SVOP: variants seen among roughly 807,000 people sequenced by gnomAD.
The protein encoded by SVOP is synaptic vesicle 2-related protein.
SVOP carries 17 observed loss-of-function variants against 69.1 expected under a neutral mutation model. The ratio of observed to expected loss-of-function variants is 0.25; its 90% CI spans 0.17 to 0.37. The LOEUF (loss-of-function observed/expected upper bound fraction) is 0.37. SVOP is among the 10% of genes least tolerant of loss of function. The probability of loss-of-function intolerance (pLI) is 1.00; values close to 1 mark genes in which losing one functional copy is unlikely to be tolerated. For missense variants in SVOP, 435 were observed against 597.5 expected (o/e 0.73, Z 2.84); for synonymous variants, 238 against 238.6 (o/e 1.00, Z 0.02).
At chr12:108,961,157 C>T in intron 5 of SVOP, 110 bp from the exon 6 acceptor site, 2 of 1,351,138 alleles carry the variant, frequency 1.5e-6, no homozygotes, top group Non-Finnish European at 2.0e-6. Context: ...GGAGCCTACA[C>T]AACCAAGGGG....
At chr12:108,916,708 A>G (rs1371129417) in intron 14 of SVOP, among the ~76,000 whole-genome samples, 1 of 152,162 alleles carries the variant, frequency 6.6e-6, no homozygotes, top group African/African-American at 2.4e-5. Context: ...CCCAACCTAG[A>G]ACACCCATAT....
intron 1 of SVOP, 135 bp downstream of exon 1, chr12:109,020,699 T>G: frequency 5.4e-6 from 3 of 557,598 alleles, no homozygotes; most frequent in Non-Finnish European, 6.4e-6. Flanking sequence ...CTCCAGGCCC[T>G]AATTCCTTCC....
chr12:108,953,185 G>T (rs1209625712), intron 6 of SVOP, among the ~76,000 whole-genome samples: 6 of 96,422 alleles, frequency 6.2e-5, no homozygotes, highest in African/African-American at 8.1e-5. Context: ...TTTCACTCTT[G>T]TTGGCCAGGC....
intron 7 of SVOP, among the ~76,000 whole-genome samples, chr12:108,943,599 CA>C (rs375255134): frequency 0.8 from 108,562 of 136,006 alleles, 42,804 homozygotes; most frequent in East Asian, 0.94. Flanking sequence ...CTCTGTCTCA[CA>C]AAAAAAAAAA....
intron 10 of SVOP, among the ~76,000 whole-genome samples, chr12:108,936,346 T>C (rs1019564027): frequency 1.3e-5 from 2 of 152,310 alleles, no homozygotes; most frequent in Middle Eastern, 6.8e-3. Context: ...CACCAGCCCA[T>C]ATAGCAGAAA....
chr12:108,951,173 G>A (rs1232534045), intron 6 of SVOP, among the ~76,000 whole-genome samples: 1 of 152,208 alleles, frequency 6.6e-6, no homozygotes, highest in African/African-American at 2.4e-5. Flanking sequence ...ATCATTCTGA[G>A]GCAGGTTTCA....
At chr12:108,945,317 AC>A (rs1340138801) in intron 6 of SVOP, among the ~76,000 whole-genome samples, 151 bp from the exon 7 acceptor site, 1 of 152,204 alleles carries the variant, frequency 6.6e-6, no homozygotes, top group Non-Finnish European at 1.5e-5. Flanking sequence ...GGTTAAATAT[AC>A]AGATCTCTAG....
chr12:108,998,259 G>A (rs1364636981), intron 1 of SVOP, among the ~76,000 whole-genome samples: 4 of 151,048 alleles, frequency 2.6e-5, no homozygotes, highest in African/African-American at 7.3e-5. Flanking sequence ...GAAGTTTAGA[G>A]AAAAAAGAAT....
At chr12:108,920,968 A>G (rs947033561) in intron 12 of SVOP, among the ~76,000 whole-genome samples, 8 of 152,160 alleles carry the variant, frequency 5.3e-5, no homozygotes, top group African/African-American at 1.9e-4. Context: ...AATTTATCAA[A>G]TAGCATTTTT....
In SVOP at chr12:108,912,491, C is replaced by T; in HGVS notation, c.*44G>A. 1 of 1,609,468 alleles carries T rather than the reference C, an allele frequency of 6.2e-7. No homozygotes were observed. Among genetic ancestry groups the T allele is most frequent in the Non-Finnish European group, 8.5e-7 (1 of 1,176,146 alleles). ...CCCCAGTTGGGGCCTGCCAGCCCCC[C>T]AAGCTCTGCAGCCTCAAAGACCAGC... is the stretch of plus-strand genomic sequence containing the variant. On this transcript the variant is annotated 3_prime_UTR_variant, in exon 16 of 16. Coordinates refer to ENST00000610966, the MANE Select transcript of SVOP (RefSeq NM_018711.5).
intron 1 of SVOP, among the ~76,000 whole-genome samples, chr12:109,015,593 C>T (rs911055816): frequency 3.3e-5 from 5 of 151,982 alleles, no homozygotes; most frequent in Admixed American, 3.3e-4. Flanking sequence ...GGGAGGGTCA[C>T]TTGGAGCCAG....
At chr12:108,918,388 T>C (rs1412922981) in intron 13 of SVOP, among the ~76,000 whole-genome samples, 1 of 152,160 alleles carries the variant, frequency 6.6e-6, no homozygotes, top group Non-Finnish European at 1.5e-5. Flanking sequence ...TAGGGAGAAG[T>C]GATATAAATA....
At position 108,918,113 on chromosome 12, in the gene SVOP, G is replaced by T. The variant is rs1431133828; in HGVS notation, c.1280C>A (p.Thr427Asn). Reference protein sequence around the residue: ...LFICVGRNVLTLLLFIARAFI... With the variant: ...LFICVGRNVLNLLLFIARAFI... ...CGCTCTTGCAATGAAGAGTAACAGA[G>T]TGAGCACATTTCTAGGAGGAGGATA... The change falls in exon 14 of 16, where the codon ACT becomes AAT. Residue 427 changes from threonine (T) to asparagine (N), a missense_variant. Coordinates refer to ENST00000610966, the MANE Select transcript of SVOP (RefSeq NM_018711.5). The T allele has an allele frequency of 1.5e-5, 24 of 1,569,580 alleles. No homozygotes were observed. The highest frequency in any genetic ancestry group is 2.0e-5 in the Non-Finnish European group (23 of 1,157,244).
In SVOP at chr12:108,996,009, TAC is replaced by T. The variant is rs148548353; in HGVS notation, c.36-12250_36-12249del. On this transcript the variant is annotated intron_variant, in intron 1 of 15. Transcript: ENST00000610966. ...ACACACACATACATACATACATACA[TAC>T]ACACACACACGCTGATCTGTAAGGG... Among the ~76,000 whole-genome samples the T allele has an allele frequency of 1.1e-3, 172 of 151,628 alleles. 4 individuals are homozygous for T. The South Asian group carries it at 0.02, about 18-fold the overall frequency.
At chr12:108,920,821 T>A (rs2039744220) in intron 12 of SVOP, among the ~76,000 whole-genome samples, 1 of 152,106 alleles carries the variant, frequency 6.6e-6, no homozygotes, top group African/African-American at 2.4e-5. Flanking sequence ...GCTCTCGAAC[T>A]CCTGACCTCA....
rs2039919894 is a variant in SVOP at position 108,945,929 on chromosome 12, T to C, written c.579-763A>G. On this transcript the variant is annotated intron_variant, in intron 6 of 15. Coordinates refer to ENST00000610966, the MANE Select transcript of SVOP (RefSeq NM_018711.5). ...TCTGGTCTAACAGATTTCTCCACCC[T>C]AAGTTATAATTTTCCATTTGTGATT... Among the ~76,000 whole-genome samples the C allele has an allele frequency of 2.0e-5, 3 of 152,196 alleles. No homozygotes were observed. In the South Asian group the frequency reaches 6.2e-4, roughly 31 times the overall value.
intron 1 of SVOP, among the ~76,000 whole-genome samples, chr12:108,988,126 T>C (rs1250835238): frequency 6.6e-6 from 1 of 151,960 alleles, no homozygotes; most frequent in East Asian, 1.9e-4. Flanking sequence ...GTTTTCACCA[T>C]GTTGGCCAGG....
intron 4 of SVOP, among the ~76,000 whole-genome samples, chr12:108,974,226 A>T (rs933398779): frequency 5.3e-5 from 8 of 152,236 alleles, no homozygotes; most frequent in Non-Finnish European, 8.8e-5. Flanking sequence ...TCACTTTAGC[A>T]ATAATCATTC....
At chr12:108,932,113 G>A (rs1016371396) in intron 11 of SVOP, among the ~76,000 whole-genome samples, 1 of 152,032 alleles carries the variant, frequency 6.6e-6, no homozygotes, top group Non-Finnish European at 1.5e-5. Context: ...CATGGGCTCA[G>A]GCAGCCCTTC....
Sources: allele counts gnomAD v4.1 joint callset (sites outside exome capture counted in the v4.1 genomes callset), GRCh38; gene constraint gnomAD v4.1.1; transcripts MANE v1.5; gene names NCBI Gene and HGNC (gene_info 2026-07-23, HGNC 2026-07-21).